The following CNOT7 variants were observed in gnomAD, a reference collection of about 807,000 sequenced individuals.
CNOT7 encodes the protein CCR4-NOT transcription complex subunit 7.
Under a neutral mutation model 37.1 loss-of-function variants are expected in CNOT7, and 4 were observed. The ratio of observed to expected loss-of-function variants is 0.11; its 90% confidence interval spans 0.05 to 0.25. The LOEUF (loss-of-function observed/expected upper bound fraction) is 0.25, where lower values mean the gene tolerates loss of function less well. Ranked by LOEUF, CNOT7 falls within the 10% of genes least tolerant of loss-of-function variation. The pLI is 1.00. For synonymous variants in CNOT7, 128 were observed against 115.6 expected (o/e 1.11, Z -0.69); for missense variants, 170 against 336.2 (o/e 0.51, Z 3.87).
chr8:17,227,229 C>T lies in CNOT7; in HGVS notation c.*3491G>A, dbSNP rs911583330. The T allele has an allele frequency of 8.6e-5, 13 of 151,880 alleles. No homozygotes were observed. Among genetic ancestry groups the T allele is most frequent in the Admixed American group, 1.3e-4 (2 of 15,214 alleles). 9.4% of individuals were successfully genotyped at this position (151,880 alleles called of 1,614,324 possible). ...CTGCTTCATGCATTTTTCCCAGCAT[C>T]GGTTGCATCACATCTTAGTAGATTC... On this transcript the variant is annotated 3_prime_UTR_variant, in exon 7 of 7. Coordinates refer to ENST00000361272, the MANE Select transcript of CNOT7 (RefSeq NM_013354.7).
intron 1 of CNOT7, 21 bp from the exon 2 acceptor site, chr8:17,245,268 T>A: frequency 9.4e-7 from 1 of 1,066,634 alleles, no homozygotes; most frequent in South Asian, 2.0e-5. Flanking sequence ...AAAAAAACAA[T>A]ATGAAGACCA....
intron 4 of CNOT7, among the ~76,000 whole-genome samples, chr8:17,236,868 C>T (rs752049956): frequency 3.9e-5 from 6 of 152,122 alleles, no homozygotes; most frequent in African/African-American, 7.2e-5. Context: ...AATGGTTTCC[C>T]CCGTAGAACA....
At position 17,226,198 on chromosome 8, in the gene CNOT7, T is replaced by G. The variant is rs1364379426; in HGVS notation, c.*4522A>C. The G allele has an allele frequency of 6.6e-6, 1 of 151,592 alleles. No homozygotes were observed. Among genetic ancestry groups the G allele is most frequent in the Admixed American group, 6.6e-5 (1 of 15,182 alleles). 9.4% of individuals were successfully genotyped at this position (151,592 alleles called of 1,614,324 possible). ...AATATTGAGTACAATTTTTTTTTCT[T>G]TTTTTAGTAATAGAGTTCTACTAAT... On this transcript the variant is annotated 3_prime_UTR_variant, in exon 7 of 7. Transcript: ENST00000361272.
chr8:17,238,446 A>C (rs1809677323), intron 3 of CNOT7, among the ~76,000 whole-genome samples: 1 of 151,952 alleles, frequency 6.6e-6, no homozygotes. Context: ...AATCACGTAA[A>C]AGTCAGTCTC....
intron 3 of CNOT7, among the ~76,000 whole-genome samples, chr8:17,237,936 C>T (rs756484702): frequency 6.6e-6 from 1 of 152,242 alleles, no homozygotes; most frequent in Non-Finnish European, 1.5e-5. Context: ...CAATAAGCAA[C>T]ACTGTATAAA....
chr8:17,235,567 T>A (rs1809234131), intron 4 of CNOT7, among the ~76,000 whole-genome samples: 1 of 152,036 alleles, frequency 6.6e-6, no homozygotes, highest in African/African-American at 2.4e-5. Flanking sequence ...AATCCAGAAC[T>A]CTTCTCCCTT....
chr8:17,235,829 T>C (rs76457474), intron 4 of CNOT7, among the ~76,000 whole-genome samples: 6,980 of 152,300 alleles, frequency 0.046, 242 homozygotes, highest in African/African-American at 0.088. Flanking sequence ...TCTTGATAAA[T>C]ATTCAAATAT....
Position 17,236,647 on chromosome 8 carries a change from T to C in CNOT7, c.473+565A>G, listed in dbSNP as rs550738382. Among the ~76,000 whole-genome samples, 94 of 152,296 alleles carry C rather than the reference T, an allele frequency of 6.2e-4. 1 individual carries two copies. Among genetic ancestry groups the C allele is most frequent in the African/African-American group, 2.1e-3 (88 of 41,552 alleles). On this transcript the variant is annotated intron_variant, in intron 4 of 6. Transcript: ENST00000361272. ...TCCATCTCCACACCCATCCCTAGCA[T>C]TTTCTTTGCTGTTTTGAGATAGTAC...
chr8:17,238,987 T>A (rs1563201829), intron 3 of CNOT7, among the ~76,000 whole-genome samples: 1 of 152,210 alleles, frequency 6.6e-6, no homozygotes, highest in Admixed American at 6.5e-5. Flanking sequence ...ATACAACTCC[T>A]TAACTAACTC....
intron 1 of CNOT7, chr8:17,245,756 A>G (rs1338514409): frequency 6.6e-6 from 1 of 152,228 alleles, no homozygotes; most frequent in African/African-American, 2.4e-5. Flanking sequence ...ATGCTCTGAG[A>G]AAAAAGTAAC....
rs1585842513 is a variant in CNOT7, at chr8:17,242,893, C to G, written c.311+99G>C. On this transcript the variant is annotated intron_variant, in intron 3 of 6. Coordinates refer to ENST00000361272, the MANE Select transcript of CNOT7 (RefSeq NM_013354.7). ...TTATATATTTCCAGGATAACTACACCAAATTCACCTAGCATGTCACCATAC... is the reference window on the plus strand; with the variant it reads ...TTATATATTTCCAGGATAACTACACGAAATTCACCTAGCATGTCACCATAC... 15 of 726,130 alleles carry G rather than the reference C, an allele frequency of 2.1e-5. No homozygotes were observed. The East Asian group carries it at 4.8e-4, about 23-fold the overall frequency. 45.0% of individuals were successfully genotyped at this position (726,130 alleles called of 1,614,324 possible). A position where few individuals can be genotyped will look rare whatever the true frequency, so the allele number is the denominator to read the frequency against.
chr8:17,240,638 C>T (rs1810034933), intron 3 of CNOT7, among the ~76,000 whole-genome samples: 1 of 152,130 alleles, frequency 6.6e-6, no homozygotes, highest in Non-Finnish European at 1.5e-5. Context: ...GGGTTACCTC[C>T]TTCTCACGTA....
intron 3 of CNOT7, among the ~76,000 whole-genome samples, chr8:17,238,683 T>G (rs184568006): frequency 6.6e-6 from 1 of 152,360 alleles, no homozygotes; most frequent in Non-Finnish European, 1.5e-5. Context: ...ACATCATTCT[T>G]GGCCATTTGC....
intron 3 of CNOT7, among the ~76,000 whole-genome samples, chr8:17,239,683 C>T (rs190912926): frequency 1.3e-5 from 2 of 152,174 alleles, no homozygotes; most frequent in African/African-American, 4.8e-5. Context: ...TTAGTAGATA[C>T]AGGGTTTCAC....
In CNOT7 at chr8:17,230,162, A is replaced by G. The variant is rs1477270511; in HGVS notation, c.*558T>C. ...AAGTTTCGCTGAATCGACAGTTTGC[A>G]CAACGTGCTATATTCTGTGGGTCAA... is the stretch of plus-strand genomic sequence containing the variant. On this transcript the variant is annotated 3_prime_UTR_variant, in exon 7 of 7. Transcript: ENST00000361272. 1 of 152,534 alleles carries G rather than the reference A, an allele frequency of 6.6e-6. No individual in the cohort carries two copies. Among genetic ancestry groups the G allele is most frequent in the Non-Finnish European group, 1.5e-5 (1 of 67,946 alleles). The allele number at this position is 152,534 out of a possible 1,614,324, so 9.4% of individuals were successfully genotyped here.
In CNOT7 at chr8:17,230,118, G is replaced by C. The variant is rs979074589; in HGVS notation, c.*602C>G. On this transcript the variant is annotated 3_prime_UTR_variant, in exon 7 of 7. Transcript: ENST00000361272. The stretch of plus-strand genomic sequence containing the variant: ...GAAACAGCAGTTACTAAGCTCCTCA[G>C]TAGTTTCTTGTCTTTTTTAAGTTTC... 44 of 152,484 alleles carry C rather than the reference G, an allele frequency of 2.9e-4. No homozygotes were observed. Among genetic ancestry groups the C allele is most frequent in the African/African-American group, 1.9e-4 (8 of 41,442 alleles). The allele number at this position is 152,484 out of a possible 1,614,324, so 9.4% of individuals were successfully genotyped here. A position where few individuals can be genotyped will look rare whatever the true frequency, so the allele number is the denominator to read the frequency against.
At chr8:17,231,837 C>G (rs1347202120) in intron 6 of CNOT7, 1 of 985,678 alleles carries the variant, frequency 1.0e-6, no homozygotes, top group Non-Finnish European at 1.2e-6. Flanking sequence ...GAGGGTTTTC[C>G]TAATATGGTT....
At chr8:17,231,633 AAAAGGGAAAACTT>A in intron 6 of CNOT7, 1 of 985,414 alleles carries the variant, frequency 1.0e-6, no homozygotes. Flanking sequence ...GAATTTTTCC[AAAAGGGAAAACTT>A]ATAGTCAAGA....
At position 17,228,553 on chromosome 8, in the gene CNOT7, A is replaced by G. The variant is rs1161062398; in HGVS notation, c.*2167T>C. 1.3e-5 allele frequency: 2 copies of G among 151,984 alleles called. No homozygotes were observed. The highest frequency in any genetic ancestry group is 1.5e-5 in the Non-Finnish European group (1 of 67,864). The allele number at this position is 151,984 out of a possible 1,614,324, so 9.4% of individuals were successfully genotyped here. On this transcript the variant is annotated 3_prime_UTR_variant, in exon 7 of 7. Transcript: ENST00000361272. ...TTGACTTTGCAATGGTGCAAAAGCA[A>G]TACACATTCAGTAGAAACTATAACC... is the stretch of plus-strand genomic sequence containing the variant.
Sources: allele counts gnomAD v4.1 joint callset (sites outside exome capture counted in the v4.1 genomes callset), GRCh38; gene constraint gnomAD v4.1.1; transcripts MANE v1.5; gene names NCBI Gene and HGNC (gene_info 2026-07-23, HGNC 2026-07-21).